ADAMTS3: variants seen among roughly 807,000 people sequenced by gnomAD.
The protein encoded by ADAMTS3 is A disintegrin and metalloproteinase with thrombospondin motifs 3.
In ADAMTS3, 73 loss-of-function variants were observed where a neutral mutation model predicts 129.0. The observed-to-expected ratio is 0.57, with a 90% CI of 0.47 to 0.69. The LOEUF is 0.69. ADAMTS3 is among the 30% of genes least tolerant of loss of function. ADAMTS3 has a pLI of 0.00. For synonymous variants in ADAMTS3, 477 were observed against 510.8 expected (o/e 0.93, Z 0.89); for missense variants, 1,457 against 1,514.5 (o/e 0.96, Z 0.63).
intron 3 of ADAMTS3, among the ~76,000 whole-genome samples, chr4:72,482,231 A>G (rs1403105172): frequency 1.3e-5 from 2 of 152,178 alleles, no homozygotes; most frequent in African/African-American, 4.8e-5. Context: ...CTTTGGTCAC[A>G]ACAGCCAAAA....
chr4:72,513,359 C>T (rs144728848), intron 3 of ADAMTS3, among the ~76,000 whole-genome samples: 2 of 152,028 alleles, frequency 1.3e-5, no homozygotes, highest in Admixed American at 6.6e-5. Context: ...AATGTTATAC[C>T]ATCTTTCCCT....
intron 4 of ADAMTS3, among the ~76,000 whole-genome samples, chr4:72,357,971 T>C (rs1720626478): frequency 6.6e-6 from 1 of 151,800 alleles, no homozygotes; most frequent in East Asian, 1.9e-4. Context: ...TAATGAGAAA[T>C]GATTTATGCA....
At chr4:72,459,389 AAGAG>A (rs1718705764) in intron 3 of ADAMTS3, among the ~76,000 whole-genome samples, 2 of 151,756 alleles carry the variant, frequency 1.3e-5, no homozygotes, top group Middle Eastern at 3.4e-3. Context: ...CACAATTAGA[AAGAG>A]AGAGTCTTCT....
chr4:72,534,038 C>T (rs1721123491), intron 3 of ADAMTS3, among the ~76,000 whole-genome samples: 1 of 152,170 alleles, frequency 6.6e-6, no homozygotes, highest in South Asian at 2.1e-4. Flanking sequence ...TAGAACATCA[C>T]AGTCCCCGGC....
intron 5 of ADAMTS3, among the ~76,000 whole-genome samples, chr4:72,336,795 A>G (rs1720001806): frequency 6.6e-6 from 1 of 151,974 alleles, no homozygotes; most frequent in Non-Finnish European, 1.5e-5. Flanking sequence ...GCGCTGTAGG[A>G]TGCTGAGCAG....
intron 2 of ADAMTS3, among the ~76,000 whole-genome samples, chr4:72,565,449 CAG>C (rs1387530162): frequency 1.3e-4 from 20 of 152,234 alleles, no homozygotes; most frequent in African/African-American, 4.1e-4. Flanking sequence ...CACATGGGAA[CAG>C]GGGAGCAAAA....
At chr4:72,517,125 T>G (rs1204295014) in intron 3 of ADAMTS3, among the ~76,000 whole-genome samples, 2 of 152,120 alleles carry the variant, frequency 1.3e-5, no homozygotes, top group Non-Finnish European at 2.9e-5. Context: ...TCTGTTTATA[T>G]GGTGGATTAC....
At chr4:72,361,839 C>T (rs559870773) in intron 4 of ADAMTS3, among the ~76,000 whole-genome samples, 1 of 152,144 alleles carries the variant, frequency 6.6e-6, no homozygotes, top group Admixed American at 6.6e-5. Flanking sequence ...CAGCCTCCTA[C>T]AATTAAGTCT....
At chr4:72,366,963 GCTCTC>G (rs1252336944) in intron 4 of ADAMTS3, among the ~76,000 whole-genome samples, 1 of 148,268 alleles carries the variant, frequency 6.7e-6, no homozygotes, top group African/African-American at 2.5e-5. Context: ...ATCCTCTTTT[GCTCTC>G]CTCTCATCTT....
chr4:72,516,244 G>C (rs562700942), intron 3 of ADAMTS3, among the ~76,000 whole-genome samples: 4 of 152,248 alleles, frequency 2.6e-5, no homozygotes, highest in Admixed American at 1.3e-4. Flanking sequence ...CTGTGGCCTT[G>C]TAGTATAGTT....
At chr4:72,357,130 A>T (rs1309252275) in intron 4 of ADAMTS3, among the ~76,000 whole-genome samples, 1 of 151,974 alleles carries the variant, frequency 6.6e-6, no homozygotes, top group Non-Finnish European at 1.5e-5. Flanking sequence ...GCACTGAATG[A>T]TATTTGGATC....
rs146381789 is a variant in ADAMTS3, at chr4:72,414,839, T to C, written c.637A>G (p.Met213Val). The change falls in exon 4 of 22, where the codon ATG (methionine) becomes GTG (valine). Residue 213 changes from methionine (M) to valine (V), a missense_variant. Met to Val is a conservative substitution (Grantham distance 21). Coordinates refer to ENST00000286657, the MANE Select transcript of ADAMTS3 (RefSeq NM_014243.3). ...RSAVEQAPID[M>V]SKDFHYRESD... ...CCTCTGTAGTGGAAGTCTTTGGACATGTCTATGGGAGCCTGTTCTACAGCT... is the reference window on the plus strand; with the variant it reads ...CCTCTGTAGTGGAAGTCTTTGGACACGTCTATGGGAGCCTGTTCTACAGCT... The C allele has an allele frequency of 1.0e-4, 157 of 1,510,152 alleles. No individual in the cohort carries two copies. In the Middle Eastern group the frequency reaches 9.7e-3, roughly 93 times the overall value. The allele number at this position is 1,510,152 out of a possible 1,614,324, so 93.5% of individuals were successfully genotyped here.
intron 3 of ADAMTS3, among the ~76,000 whole-genome samples, chr4:72,528,388 A>G (rs1162354422): frequency 3.9e-5 from 6 of 152,068 alleles, no homozygotes; most frequent in African/African-American, 1.2e-4. Flanking sequence ...ACCACAAAGG[A>G]ATGATAAATA....
At chr4:72,476,991 A>T (rs1025518392) in intron 3 of ADAMTS3, among the ~76,000 whole-genome samples, 1 of 152,192 alleles carries the variant, frequency 6.6e-6, no homozygotes. Flanking sequence ...CATTTGTAAT[A>T]AAAAATGCTC....
intron 4 of ADAMTS3, among the ~76,000 whole-genome samples, chr4:72,356,946 A>G (rs1464675947): frequency 2.6e-5 from 4 of 151,946 alleles, no homozygotes; most frequent in African/African-American, 4.8e-5. Flanking sequence ...GCCAAATGAT[A>G]AGAACAAGAC....
chr4:72,516,984 G>C lies in ADAMTS3; in HGVS notation c.504+31494C>G, dbSNP rs1031499220. On this transcript the variant is annotated intron_variant, in intron 3 of 21. Transcript: ENST00000286657. ...TATTAGCTGTGAGTTTGCATAGATA[G>C]CTCTTAATATTTTGAGATACATCCC... Among the ~76,000 whole-genome samples, 5 of 152,238 alleles carry C rather than the reference G, an allele frequency of 3.3e-5. No homozygotes were observed. The East Asian group carries it at 9.7e-4, about 29-fold the overall frequency.
Position 72,290,859 on chromosome 4 carries a change from C to T in ADAMTS3, c.2927G>A (p.Ser976Asn), listed in dbSNP as rs1292408222. ...CPAQWKTGPW[S>N]ECSVTCGEGT... ...GCACGGAATTCACACACCTACCTCA[C>T]TCCAGGGTCCTGTTTTCCACTGTGC... is the stretch of plus-strand genomic sequence containing the variant. Residue 976 changes from serine to asparagine, a missense_variant, in exon 20 of 22, where the codon AGT becomes AAT. Ser to Asn is a conservative substitution (Grantham distance 46). Transcript: ENST00000286657. The T allele has an allele frequency of 1.2e-6, 2 of 1,613,752 alleles. No homozygotes were observed. Among genetic ancestry groups the T allele is most frequent in the Non-Finnish European group, 1.7e-6 (2 of 1,179,822 alleles).
At chr4:72,295,491 G>C (rs1718781045) in intron 19 of ADAMTS3, among the ~76,000 whole-genome samples, 163 bp downstream of exon 19, 1 of 152,052 alleles carries the variant, frequency 6.6e-6, no homozygotes, top group Non-Finnish European at 1.5e-5. Context: ...TGTGGTGAAA[G>C]GCACAGAACT....
intron 17 of ADAMTS3, 128 bp from the exon 18 acceptor site, chr4:72,298,570 A>T (rs1315796730): frequency 2.9e-6 from 2 of 684,926 alleles, no homozygotes; most frequent in Non-Finnish European, 4.6e-6. Flanking sequence ...AAAAATTATA[A>T]TGTTTTTATT....
Sources: allele counts gnomAD v4.1 joint callset (sites outside exome capture counted in the v4.1 genomes callset), GRCh38; gene constraint gnomAD v4.1.1; transcripts MANE v1.5; gene names NCBI Gene and HGNC (gene_info 2026-07-23, HGNC 2026-07-21).